FBN1: variants seen among roughly 807,000 people sequenced by gnomAD.
FBN1 encodes fibrillin 1.
A neutral mutation model predicts 365.1 loss-of-function variants in FBN1; 29 were observed. The ratio of observed to expected loss-of-function variants is 0.08; its 90% CI spans 0.06 to 0.11. The LOEUF (loss-of-function observed/expected upper bound fraction) is 0.11. Ranked by LOEUF, FBN1 falls within the 10% of genes least tolerant of loss-of-function variation. The probability of loss-of-function intolerance (pLI) is 1.00; values close to 1 mark genes in which losing one functional copy is unlikely to be tolerated. For missense variants in FBN1, 2,476 were observed against 3,703.2 expected (o/e 0.67, Z 8.60); for synonymous variants, 1,210 against 1,270.5 (o/e 0.95, Z 1.01).
chr15:48,446,157 C>T (rs1405028239), intron 47 of FBN1, among the ~76,000 whole-genome samples: 1 of 152,082 alleles, frequency 6.6e-6, no homozygotes, highest in African/African-American at 2.4e-5. Context: ...TGCTAATAAG[C>T]ATTTTAATAA....
intron 6 of FBN1, among the ~76,000 whole-genome samples, chr15:48,573,312 A>G (rs964195502): frequency 3.9e-5 from 6 of 152,232 alleles, no homozygotes; most frequent in South Asian, 2.1e-4. Flanking sequence ...CTTCATATCT[A>G]TAACTCATAT....
chr15:48,458,627 G>C (rs143991698), intron 43 of FBN1, among the ~76,000 whole-genome samples: 3 of 151,978 alleles, frequency 2.0e-5, no homozygotes, highest in African/African-American at 7.3e-5. Flanking sequence ...TAACAATAAC[G>C]GGCTGAGTCT....
chr15:48,488,540 A>ATAAC (rs751420308), intron 25 of FBN1, 47 bp from the exon 26 acceptor site: 16 of 1,601,942 alleles, frequency 1.0e-5, no homozygotes, highest in Middle Eastern at 1.7e-4. Flanking sequence ...ATGAGCAAGC[A>ATAAC]GTCAGGAGGT....
chr15:48,469,686 C>T (rs571337810), intron 36 of FBN1, among the ~76,000 whole-genome samples: 16 of 151,978 alleles, frequency 1.1e-4, no homozygotes, highest in Non-Finnish European at 1.8e-4. Context: ...TGAATTTGGA[C>T]GGACAGGGCC....
chr15:48,552,138 CT>C (rs1199849305), intron 6 of FBN1, among the ~76,000 whole-genome samples: 1 of 152,168 alleles, frequency 6.6e-6, no homozygotes, highest in Non-Finnish European at 1.5e-5. Flanking sequence ...ATAAGTGTTC[CT>C]TTTTCTCCAC....
At chr15:48,616,572 A>G (rs965028415) in intron 2 of FBN1, among the ~76,000 whole-genome samples, 2 of 152,254 alleles carry the variant, frequency 1.3e-5, no homozygotes, top group African/African-American at 4.8e-5. Context: ...GATTATTTCC[A>G]TAATAAAAGA....
intron 60 of FBN1, among the ~76,000 whole-genome samples, chr15:48,422,504 C>G (rs888577953): frequency 1.3e-5 from 2 of 152,180 alleles, no homozygotes; most frequent in African/African-American, 2.4e-5. Context: ...TGGCTTAGTT[C>G]TCTTCTGTTT....
intron 13 of FBN1, among the ~76,000 whole-genome samples, chr15:48,512,270 C>A (rs2043766569): frequency 6.6e-6 from 1 of 152,200 alleles, no homozygotes; most frequent in Non-Finnish European, 1.5e-5. Context: ...AAGATTAACT[C>A]TTGTCAATGG....
Position 48,412,875 on chromosome 15 carries a change from T to C in FBN1, c.8052-132A>G, listed in dbSNP as rs2042875416. On this transcript the variant is annotated intron_variant, in intron 64 of 65. Transcript: ENST00000316623. ...CTTGCTTGTCCACTGGAGGATCAGC[T>C]AGTTCTGAGAACTACATTGAGGTCC... 5 of 1,054,118 alleles carry C rather than the reference T, an allele frequency of 4.7e-6. No homozygotes were observed. The East Asian group carries it at 1.2e-4, about 25-fold the overall frequency. 65.3% of individuals were successfully genotyped at this position (1,054,118 alleles called of 1,614,324 possible).
At chr15:48,577,960 A>C (rs2044361728) in intron 6 of FBN1, among the ~76,000 whole-genome samples, 1 of 152,188 alleles carries the variant, frequency 6.6e-6, no homozygotes, top group African/African-American at 2.4e-5. Flanking sequence ...ACAATTCAAA[A>C]AGAAATTAAG....
intron 4 of FBN1, among the ~76,000 whole-genome samples, chr15:48,610,261 C>T (rs2044646457): frequency 6.6e-6 from 1 of 152,176 alleles, no homozygotes; most frequent in South Asian, 2.1e-4. Context: ...TTATAAATCA[C>T]CCCCAGAAAC....
chr15:48,606,858 C>T (rs1254170500), intron 4 of FBN1, among the ~76,000 whole-genome samples: 2 of 152,182 alleles, frequency 1.3e-5, no homozygotes, highest in African/African-American at 2.4e-5. Flanking sequence ...ACCTTTAAGA[C>T]GTGATAAGGT....
intron 13 of FBN1, among the ~76,000 whole-genome samples, chr15:48,512,262 G>GT (rs2043766461): frequency 6.6e-6 from 1 of 152,172 alleles, no homozygotes; most frequent in Non-Finnish European, 1.5e-5. Context: ...AGGCAAATAA[G>GT]ATTAACTCTT....
At chr15:48,553,670 C>A (rs2044159483) in intron 6 of FBN1, among the ~76,000 whole-genome samples, 1 of 149,446 alleles carries the variant, frequency 6.7e-6, no homozygotes, top group South Asian at 2.1e-4. Flanking sequence ...GTGAGATGAG[C>A]CATTTTTTTT....
chr15:48,504,858 A>C (rs1431651866), intron 16 of FBN1, among the ~76,000 whole-genome samples, 167 bp downstream of exon 16: 2 of 152,182 alleles, frequency 1.3e-5, no homozygotes, highest in Non-Finnish European at 2.9e-5. Flanking sequence ...TAATCCTCAA[A>C]TTAATGTTCA....
chr15:48,606,418 C>G (rs2044610423), intron 4 of FBN1, among the ~76,000 whole-genome samples: 1 of 152,168 alleles, frequency 6.6e-6, no homozygotes, highest in African/African-American at 2.4e-5. Context: ...AGATAACAAG[C>G]TGTTCATACT....
intron 2 of FBN1, 25 bp from the exon 3 acceptor site, chr15:48,613,117 A>G: frequency 6.4e-7 from 1 of 1,551,938 alleles, no homozygotes; most frequent in Non-Finnish European, 8.9e-7. Flanking sequence ...GAAGAATTCC[A>G]TACTTTAAAA....
intron 4 of FBN1, among the ~76,000 whole-genome samples, chr15:48,609,222 T>C (rs1199441804): frequency 2.0e-5 from 3 of 152,166 alleles, no homozygotes; most frequent in African/African-American, 7.2e-5. Flanking sequence ...CTGCTATTAC[T>C]CGGAAGATGC....
chr15:48,574,565 CA>C (rs796605948), intron 6 of FBN1, among the ~76,000 whole-genome samples: 276 of 134,304 alleles, frequency 2.1e-3, no homozygotes, highest in Middle Eastern at 4.0e-3. Context: ...CTTGCCCATT[CA>C]AAAAAAAAAA....
Sources: allele counts gnomAD v4.1 joint callset (sites outside exome capture counted in the v4.1 genomes callset), GRCh38; gene constraint gnomAD v4.1.1; transcripts MANE v1.5; gene names NCBI Gene and HGNC (gene_info 2026-07-23, HGNC 2026-07-21).